The following HDGFL2 variants were observed in gnomAD, a reference collection of about 807,000 sequenced individuals.
The protein encoded by HDGFL2 is hepatoma-derived growth factor-related protein 2.
HDGFL2 carries 36 observed loss-of-function variants against 77.1 expected under a neutral mutation model. That is an observed-to-expected ratio of 0.47 (90% CI 0.36 to 0.62). HDGFL2 has a LOEUF of 0.62. Ranked by LOEUF, HDGFL2 falls within the 20% of genes least tolerant of loss-of-function variation. The pLI, the probability that HDGFL2 is intolerant of heterozygous loss-of-function variation, is 0.00. For missense variants in HDGFL2, 976 were observed against 973.4 expected, an observed-to-expected ratio of 1.00 and a Z score of -0.04; for synonymous variants, 463 against 413.1, an observed-to-expected ratio of 1.12 and a Z score of -1.46.
At chr19:4,478,205 T>G (rs1433824521) in intron 3 of HDGFL2, among the ~76,000 whole-genome samples, 1 of 151,366 alleles carries the variant, frequency 6.6e-6, no homozygotes, top group African/African-American at 2.4e-5. Flanking sequence ...CTGTTTTTTT[T>G]TTTTTGTTTT....
intron 4 of HDGFL2, among the ~76,000 whole-genome samples, chr19:4,490,460 G>A (rs1975478023): frequency 6.6e-6 from 1 of 152,148 alleles, no homozygotes; most frequent in Admixed American, 6.6e-5. Flanking sequence ...ACATGTCGCT[G>A]GCCATTTGGG....
chr19:4,486,899 T>A (rs907328344), intron 3 of HDGFL2, among the ~76,000 whole-genome samples: 1 of 151,816 alleles, frequency 6.6e-6, no homozygotes, highest in Admixed American at 6.6e-5. Context: ...TTCTGACAAC[T>A]CCTCTGTAAA....
At chr19:4,472,917 CAG>C (rs1329640796) in intron 1 of HDGFL2, among the ~76,000 whole-genome samples, 2 of 147,498 alleles carry the variant, frequency 1.4e-5, no homozygotes, top group African/African-American at 2.5e-5. Context: ...CCCTGGGCCT[CAG>C]GGGGCCGCGC....
intron 11 of HDGFL2, 86 bp from the exon 12 acceptor site, chr19:4,498,220 C>A (rs1022048110): frequency 1.5e-6 from 2 of 1,333,722 alleles, no homozygotes; most frequent in Non-Finnish European, 2.1e-6. Flanking sequence ...GACAAATCCT[C>A]CAGAGGCTCT....
In HDGFL2 at chr19:4,499,520, A is replaced by G. The variant is rs1975798476; in HGVS notation, c.1605A>G (p.Val535=). 1.2e-6 allele frequency: 2 copies of G among 1,613,824 alleles called. No homozygotes were observed. Among genetic ancestry groups the G allele is most frequent in the Non-Finnish European group, 8.5e-7 (1 of 1,179,960 alleles). ...KIRRYKANKD[V]MEKAAEVYTR... is the part of the protein sequence containing the mutation. Reference sequence around the variant, plus strand: ...GCCGTTACAAAGCGAACAAGGACGTAATGGAGAAGGCAGCAGAAGTCTATA... The same window carrying G: ...GCCGTTACAAAGCGAACAAGGACGTGATGGAGAAGGCAGCAGAAGTCTATA... The change falls in exon 14 of 16, where the codon GTA becomes GTG. Residue 535 remains valine (V), a synonymous_variant. Coordinates refer to ENST00000616600, the MANE Select transcript of HDGFL2 (RefSeq NM_001001520.3).
intron 1 of HDGFL2, among the ~76,000 whole-genome samples, chr19:4,474,698 C>T (rs117511760): frequency 5.3e-5 from 8 of 152,268 alleles, no homozygotes; most frequent in Non-Finnish European, 1.2e-4. Context: ...CCCCGTCCCC[C>T]CTTCTCCAGC....
At chr19:4,488,951 C>CTT in intron 4 of HDGFL2, 75 bp downstream of exon 4, 1 of 1,023,456 alleles carries the variant, frequency 9.8e-7, no homozygotes, top group Non-Finnish European at 1.4e-6. Context: ...GCTCTCCTGC[C>CTT]CTTTTTTTTT....
chr19:4,481,381 G>A (rs1189329014), intron 3 of HDGFL2, among the ~76,000 whole-genome samples: 3 of 151,964 alleles, frequency 2.0e-5, no homozygotes, highest in Admixed American at 6.6e-5. Context: ...TAGTAGAGAC[G>A]GGGTTTCACC....
Position 4,499,505 on chromosome 19 carries a change from A to G in HDGFL2, c.1590A>G (p.Lys530=). The G allele has an allele frequency of 6.2e-7, 1 of 1,613,508 alleles. No homozygotes were observed. Among genetic ancestry groups the G allele is most frequent in the East Asian group, 2.2e-5 (1 of 44,870 alleles). Residue 530 remains lysine (K), a synonymous_variant, in exon 14 of 16, where the codon AAA becomes AAG. Coordinates refer to ENST00000616600, the MANE Select transcript of HDGFL2 (RefSeq NM_001001520.3). The part of the protein sequence containing the change: ...VATLKKIRRY[K]ANKDVMEKAA... ...TTGGTGGCCAGATTCGCCGTTACAA[A>G]GCGAACAAGGACGTAATGGAGAAGG...
At chr19:4,483,075 G>T (rs1483120315) in intron 3 of HDGFL2, among the ~76,000 whole-genome samples, 1 of 152,208 alleles carries the variant, frequency 6.6e-6, no homozygotes, top group Admixed American at 6.5e-5. Context: ...AGGCGTGATC[G>T]AGATTGGCCG....
chr19:4,498,432 G>A, intron 12 of HDGFL2, 56 bp downstream of exon 12: 1 of 1,401,520 alleles, frequency 7.1e-7, no homozygotes. Flanking sequence ...TCCCTGCCAG[G>A]CTCCCTTAGA....
In HDGFL2 at chr19:4,499,703, C is replaced by A; in HGVS notation, c.1788C>A (p.Thr596=). Residue 596 remains threonine, a splice_region_variant and synonymous_variant, in exon 14 of 16, where the codon ACC becomes ACA. Transcript: ENST00000616600. ...AGAAGGCGGAGGACAAGCCCAGCAC[C>A]GGTGAGGGGCGGGTGGGGTGGGCCC... ...PQEKAEDKPS[T]DLSAPVNGEA... is the part of the protein sequence containing the mutation. 1 of 769,774 alleles carries A rather than the reference C, an allele frequency of 1.3e-6. No individual in the cohort carries two copies. The highest frequency in any genetic ancestry group is 2.0e-6 in the Non-Finnish European group (1 of 506,596). 47.7% of individuals were successfully genotyped at this position (769,774 alleles called of 1,614,324 possible). A position where few individuals can be genotyped will look rare whatever the true frequency, so the allele number is the denominator to read the frequency against.
intron 4 of HDGFL2, 66 bp downstream of exon 4, chr19:4,488,942 C>T: frequency 3.5e-6 from 4 of 1,132,942 alleles, no homozygotes; most frequent in Non-Finnish European, 3.7e-6. Context: ...TGGCAGCTTG[C>T]TCTCCTGCCC....
intron 3 of HDGFL2, among the ~76,000 whole-genome samples, chr19:4,479,219 A>AG (rs1375985119): frequency 1.3e-5 from 2 of 151,874 alleles, no homozygotes; most frequent in African/African-American, 4.8e-5. Context: ...TGGGAGACTG[A>AG]GGAGGGGTCA....
chr19:4,500,472 T>G (rs906034119), intron 14 of HDGFL2, among the ~76,000 whole-genome samples: 2 of 146,136 alleles, frequency 1.4e-5, no homozygotes, highest in Non-Finnish European at 1.5e-5. Context: ...TTTTTTTTTT[T>G]TTTTTTGAGA....
chr19:4,499,612 T>C lies in HDGFL2; in HGVS notation c.1697T>C (p.Met566Thr), dbSNP rs772625626. The change falls in exon 14 of 16, where the codon ATG becomes ACG. Residue 566 changes from methionine to threonine, a missense_variant. Coordinates refer to ENST00000616600, the MANE Select transcript of HDGFL2 (RefSeq NM_001001520.3). ...GTGCAGAAAGTGAACAAGGCTGGGA[T>C]GGAGAAGGAGAAGGCCGAGGAGAAG... ...EAVQKVNKAG[M>T]EKEKAEEKLA... 1 of 1,602,356 alleles carries C rather than the reference T, an allele frequency of 6.2e-7. No homozygotes were observed. Among genetic ancestry groups the C allele is most frequent in the South Asian group, 1.1e-5 (1 of 89,924 alleles).
At chr19:4,494,543 G>A (rs1975650904) in intron 9 of HDGFL2, 68 bp downstream of exon 9, 1 of 1,171,250 alleles carries the variant, frequency 8.5e-7, no homozygotes, top group Non-Finnish European at 1.1e-6. Context: ...TACTAGGTAG[G>A]AGGCAGTATC....
At chr19:4,491,965 A>T in intron 6 of HDGFL2, 130 bp downstream of exon 6, 1 of 812,832 alleles carries the variant, frequency 1.2e-6, no homozygotes, top group South Asian at 1.6e-5. Context: ...ACCCGAGGGG[A>T]CCGCCTCTGC....
At chr19:4,479,545 C>T (rs188627605) in intron 3 of HDGFL2, among the ~76,000 whole-genome samples, 1,619 of 148,352 alleles carry the variant, frequency 0.011, 34 homozygotes, top group African/African-American at 0.039. Context: ...CCCACCACTG[C>T]ACTCCAGCCT....
Sources: gnomAD v4.1 joint callset for allele counts (sites outside exome capture counted in the v4.1 genomes callset) on GRCh38, gnomAD v4.1.1 for gene constraint, MANE v1.5 for transcripts, NCBI Gene and HGNC (gene_info 2026-07-23, HGNC 2026-07-21) for gene names.